The following ZBTB20 variants were observed in gnomAD, a reference collection of about 807,000 sequenced individuals.
The protein encoded by ZBTB20 is zinc finger and BTB domain-containing protein 20.
Under a neutral mutation model 56.9 loss-of-function variants are expected in ZBTB20, and 9 were observed. The observed-to-expected ratio is 0.16, with a 90% CI of 0.10 to 0.28. The LOEUF (loss-of-function observed/expected upper bound fraction) is 0.28, where lower values mean the gene tolerates loss of function less well. Among genes scored for constraint, ZBTB20 ranks in the 10% least tolerant of loss-of-function variants. The pLI is 1.00. For missense variants in ZBTB20, 655 were observed against 1,003.0 expected, an observed-to-expected ratio of 0.65 and a Z score of 4.69; for synonymous variants, 417 against 420.7, an observed-to-expected ratio of 0.99 and a Z score of 0.11.
At chr3:114,662,941 G>T (rs1378435957) in intron 6 of ZBTB20, among the ~76,000 whole-genome samples, 1 of 151,608 alleles carries the variant, frequency 6.6e-6, no homozygotes. Context: ...TGTGGAGAAT[G>T]GAACCAAGTT....
At chr3:115,045,812 A>C (rs76547558) in intron 2 of ZBTB20, among the ~76,000 whole-genome samples, 1,623 of 152,278 alleles carry the variant, frequency 0.011, 16 homozygotes, top group South Asian at 0.028. Context: ...TTCTGATCCT[A>C]ATCTTTTTCT....
chr3:114,834,812 C>A (rs929808590), intron 4 of ZBTB20, among the ~76,000 whole-genome samples: 1 of 151,888 alleles, frequency 6.6e-6, no homozygotes, highest in Non-Finnish European at 1.5e-5. Flanking sequence ...GATATGGAGT[C>A]GTTATCACAT....
At position 114,639,291 on chromosome 3, in the gene ZBTB20, T is replaced by TA. The variant is rs140516449; in HGVS notation, c.-295+54236dup. On this transcript the variant is annotated intron_variant, in intron 6 of 11. Coordinates refer to ENST00000675478, the MANE Select transcript of ZBTB20 (RefSeq NM_001348800.3). The stretch of plus-strand genomic sequence containing the variant: ...TGATTTAATCAGAAGCCAGAGTAAT[T>TA]ATGGCAGGAGGTGGGGAAAAAGACT... Among the ~76,000 whole-genome samples, 30 of 152,128 alleles carry TA rather than the reference T, an allele frequency of 2.0e-4. No individual in the cohort carries two copies. In the East Asian group the frequency reaches 5.6e-3, roughly 28 times the overall value.
At chr3:114,367,780 G>GA (rs5851923) in intron 10 of ZBTB20, among the ~76,000 whole-genome samples, 62,794 of 150,272 alleles carry the variant, frequency 0.42, 13,357 homozygotes, top group South Asian at 0.46. Context: ...TCATTTTTAG[G>GA]AAAAAAAAAC....
At chr3:114,759,262 G>C (rs1366714200) in intron 5 of ZBTB20, 1 of 152,126 alleles carries the variant, frequency 6.6e-6, no homozygotes, top group Non-Finnish European at 1.5e-5. Flanking sequence ...GTGAGGCTGG[G>C]AGGCTAGATT....
intron 7 of ZBTB20, among the ~76,000 whole-genome samples, chr3:114,483,885 G>T (rs1577021315): frequency 6.6e-6 from 1 of 151,772 alleles, no homozygotes; most frequent in African/African-American, 2.4e-5. Context: ...AATTGCAAGA[G>T]TAGTACTAAG....
At chr3:114,551,947 C>T (rs893494412) in intron 6 of ZBTB20, among the ~76,000 whole-genome samples, 10 of 152,306 alleles carry the variant, frequency 6.6e-5, no homozygotes, top group South Asian at 2.1e-4. Context: ...TGGCGGCTCA[C>T]ATCTATAATC....
chr3:114,765,753 G>C (rs1010300112), intron 5 of ZBTB20, among the ~76,000 whole-genome samples: 1 of 152,128 alleles, frequency 6.6e-6, no homozygotes, highest in Non-Finnish European at 1.5e-5. Context: ...TGCAGAAAAC[G>C]AATCAATATG....
At chr3:114,826,757 A>G (rs2073548864) in intron 4 of ZBTB20, among the ~76,000 whole-genome samples, 1 of 151,742 alleles carries the variant, frequency 6.6e-6, no homozygotes, top group African/African-American at 2.4e-5. Flanking sequence ...CCTACATGAA[A>G]GCAGAGATAG....
intron 1 of ZBTB20, among the ~76,000 whole-genome samples, chr3:115,143,177 G>C (rs1165964778): frequency 1.3e-5 from 2 of 152,158 alleles, no homozygotes; most frequent in African/African-American, 4.8e-5. Context: ...TACACCTACA[G>C]ACTAAATGAT....
intron 6 of ZBTB20, among the ~76,000 whole-genome samples, chr3:114,675,950 C>T (rs942296789): frequency 4.3e-5 from 2 of 46,316 alleles, no homozygotes; most frequent in Non-Finnish European, 1.1e-4. Context: ...TGTATTAACT[C>T]GCTAAATCTT....
intron 2 of ZBTB20, among the ~76,000 whole-genome samples, chr3:115,014,463 A>G (rs901837682): frequency 6.6e-6 from 1 of 151,668 alleles, no homozygotes; most frequent in East Asian, 2.0e-4. Flanking sequence ...AGTGGTGGAT[A>G]CTCGATACTC....
chr3:114,652,805 C>A (rs1041486092), intron 6 of ZBTB20, among the ~76,000 whole-genome samples: 14 of 151,916 alleles, frequency 9.2e-5, no homozygotes, highest in Middle Eastern at 3.2e-3. Flanking sequence ...ACTGAGTATT[C>A]ATCTATAAAT....
chr3:115,035,571 A>AC (rs2080881404), intron 2 of ZBTB20, among the ~76,000 whole-genome samples: 1 of 151,814 alleles, frequency 6.6e-6, no homozygotes, highest in African/African-American at 2.4e-5. Flanking sequence ...ACACACACAC[A>AC]AAACAAGTTT....
intron 5 of ZBTB20, among the ~76,000 whole-genome samples, chr3:114,758,307 C>G (rs1444734753): frequency 6.6e-6 from 1 of 152,068 alleles, no homozygotes; most frequent in African/African-American, 2.4e-5. Context: ...TCTCTCCTGT[C>G]TTACGATGTC....
chr3:114,504,422 A>G (rs2044367409), intron 6 of ZBTB20, among the ~76,000 whole-genome samples: 1 of 152,232 alleles, frequency 6.6e-6, no homozygotes, highest in Non-Finnish European at 1.5e-5. Context: ...CAAAATAAAT[A>G]GTAAATACAT....
rs542115164 is a variant in ZBTB20 at position 114,673,033 on chromosome 3, C to G, written c.-295+20495G>C. On this transcript the variant is annotated intron_variant, in intron 6 of 11. Transcript: ENST00000675478. ...ACAGAAGTTTGAGAACCACATCCCACCTTGTCTTGTGTCAGGATTAAATAA... is the reference window on the plus strand; with the variant it reads ...ACAGAAGTTTGAGAACCACATCCCAGCTTGTCTTGTGTCAGGATTAAATAA... Among the ~76,000 whole-genome samples the G allele has an allele frequency of 2.6e-5, 4 of 152,262 alleles. No homozygotes were observed. The South Asian group carries it at 8.3e-4, about 32-fold the overall frequency.
chr3:114,628,415 T>C (rs955350206), intron 6 of ZBTB20, among the ~76,000 whole-genome samples: 2 of 152,004 alleles, frequency 1.3e-5, no homozygotes, highest in African/African-American at 4.8e-5. Context: ...AATTCACAAA[T>C]GAGAGAAAGC....
chr3:114,908,866 A>G (rs2107698863), intron 3 of ZBTB20, among the ~76,000 whole-genome samples: 1 of 152,112 alleles, frequency 6.6e-6, no homozygotes, highest in East Asian at 1.9e-4. Context: ...GAACTGAAAA[A>G]TAATTCCAAG....
Sources: allele counts gnomAD v4.1 joint callset (sites outside exome capture counted in the v4.1 genomes callset), GRCh38; gene constraint gnomAD v4.1.1; transcripts MANE v1.5; gene names NCBI Gene and HGNC (gene_info 2026-07-23, HGNC 2026-07-21).